Variants in PITPNC1 observed in about 807,000 individuals in gnomAD.
PITPNC1 encodes the protein cytoplasmic phosphatidylinositol transfer protein 1.
PITPNC1 carries 18 observed loss-of-function variants against 44.7 expected under a neutral mutation model. That is an observed-to-expected ratio of 0.40 (90% CI 0.28 to 0.60). The LOEUF is 0.60. Among genes scored for constraint, PITPNC1 ranks in the 20% least tolerant of loss-of-function variants. The pLI is 0.39. For synonymous variants in PITPNC1, 141 were observed against 149.6 expected (o/e 0.94, Z 0.42); for missense variants, 290 against 418.4 (o/e 0.69, Z 2.68).
chr17:67,539,621 G>A (rs2040577213), intron 2 of PITPNC1, among the ~76,000 whole-genome samples: 2 of 152,162 alleles, frequency 1.3e-5, no homozygotes, highest in Non-Finnish European at 2.9e-5. Context: ...GGTGGATCAC[G>A]AGGTCAGGAG....
intron 1 of PITPNC1, among the ~76,000 whole-genome samples, chr17:67,476,020 C>G (rs1022855616): frequency 6.6e-6 from 1 of 152,108 alleles, no homozygotes; most frequent in African/African-American, 2.4e-5. Context: ...ACTCCTCACT[C>G]TAATCAAAGA....
At position 67,619,874 on chromosome 17, in the gene PITPNC1, G is replaced by A. The variant is rs947398386; in HGVS notation, c.367-12269G>A. Among the ~76,000 whole-genome samples the A allele has an allele frequency of 5.9e-5, 9 of 151,846 alleles. 1 individual carries two copies. Among genetic ancestry groups the A allele is most frequent in the African/African-American group, 1.9e-4 (8 of 41,408 alleles). ...TTAGCCTCAGAGGAGTCCTCACATC[G>A]CCAGCTCACACCCCTGAGAGCTTGA... On this transcript the variant is annotated intron_variant, in intron 5 of 8. Transcript: ENST00000581322.
intron 1 of PITPNC1, among the ~76,000 whole-genome samples, chr17:67,425,213 A>G (rs1455752920): frequency 0.2 from 8,707 of 42,754 alleles, 879 homozygotes; most frequent in African/African-American, 0.25. Context: ...GCACACACAC[A>G]CACACACACA....
intron 4 of PITPNC1, among the ~76,000 whole-genome samples, chr17:67,571,658 G>A (rs75473188): frequency 0.014 from 2,111 of 152,310 alleles, 53 homozygotes; most frequent in African/African-American, 0.048. Context: ...GACGAAGGTC[G>A]CGTTTTCTAG....
chr17:67,425,246 C>T (rs1313572577), intron 1 of PITPNC1, among the ~76,000 whole-genome samples: 6 of 116,830 alleles, frequency 5.1e-5, no homozygotes, highest in Non-Finnish European at 1.1e-4. Context: ...CACACACACA[C>T]ACACACACAC....
intron 5 of PITPNC1, among the ~76,000 whole-genome samples, chr17:67,598,765 C>A (rs1245690015): frequency 6.6e-6 from 1 of 151,466 alleles, no homozygotes; most frequent in Admixed American, 6.6e-5. Flanking sequence ...TGGTGGTGGG[C>A]ACCTGTAATC....
chr17:67,610,750 A>T (rs989911023), intron 5 of PITPNC1, among the ~76,000 whole-genome samples: 1 of 152,034 alleles, frequency 6.6e-6, no homozygotes, highest in Non-Finnish European at 1.5e-5. Flanking sequence ...GTGAAACCCT[A>T]TCTCTACCAA....
chr17:67,405,762 C>T (rs1598622587), intron 1 of PITPNC1, among the ~76,000 whole-genome samples: 2 of 151,670 alleles, frequency 1.3e-5, no homozygotes, highest in Non-Finnish European at 2.9e-5. Context: ...TGCACCACCA[C>T]GCTCAGCTAA....
At chr17:67,474,810 A>G (rs2039601845) in intron 1 of PITPNC1, among the ~76,000 whole-genome samples, 1 of 149,272 alleles carries the variant, frequency 6.7e-6, no homozygotes, top group African/African-American at 2.5e-5. Flanking sequence ...GCACACCACC[A>G]TGCCCGGCGG....
chr17:67,574,214 A>G (rs1409820465), intron 4 of PITPNC1, among the ~76,000 whole-genome samples: 2 of 152,232 alleles, frequency 1.3e-5, no homozygotes, highest in Non-Finnish European at 2.9e-5. Flanking sequence ...TGAGAACAGT[A>G]AAATAACTTG....
chr17:67,493,537 G>C (rs1223355562), intron 1 of PITPNC1, among the ~76,000 whole-genome samples: 1 of 152,234 alleles, frequency 6.6e-6, no homozygotes, highest in Non-Finnish European at 1.5e-5. Flanking sequence ...TGATAAGTGA[G>C]TGGAAATAGT....
intron 1 of PITPNC1, among the ~76,000 whole-genome samples, chr17:67,498,507 G>C (rs2039985231): frequency 1.3e-5 from 2 of 152,148 alleles, no homozygotes; most frequent in South Asian, 4.1e-4. Flanking sequence ...AATGAACTTG[G>C]GTGTGCAAAT....
chr17:67,490,002 G>C (rs1466361141), intron 1 of PITPNC1, among the ~76,000 whole-genome samples: 1 of 152,098 alleles, frequency 6.6e-6, no homozygotes, highest in Non-Finnish European at 1.5e-5. Flanking sequence ...CTCCCAAAAT[G>C]CTGGGATTGC....
At chr17:67,588,597 G>GA (rs142532297) in intron 5 of PITPNC1, among the ~76,000 whole-genome samples, 4 of 151,602 alleles carry the variant, frequency 2.6e-5, no homozygotes, top group African/African-American at 9.7e-5. Flanking sequence ...CACATCAAAA[G>GA]AAAAAAAATA....
intron 1 of PITPNC1, among the ~76,000 whole-genome samples, chr17:67,419,065 C>T (rs927124587): frequency 6.6e-6 from 1 of 151,956 alleles, no homozygotes; most frequent in Admixed American, 6.6e-5. Flanking sequence ...AGGTAAGGGG[C>T]AGAGGACAGC....
chr17:67,408,042 G>A (rs1030963858), intron 1 of PITPNC1, among the ~76,000 whole-genome samples: 3 of 151,678 alleles, frequency 2.0e-5, no homozygotes, highest in Admixed American at 6.6e-5. Flanking sequence ...CGCAACCTCC[G>A]CCTCCCCAGT....
At chr17:67,578,921 A>G (rs376244811) in intron 5 of PITPNC1, among the ~76,000 whole-genome samples, 1 of 152,150 alleles carries the variant, frequency 6.6e-6, no homozygotes, top group African/African-American at 2.4e-5. Context: ...GGCAGAGGTT[A>G]CAGTGAGCCG....
At chr17:67,649,083 G>C (rs2042181796) in intron 6 of PITPNC1, among the ~76,000 whole-genome samples, 1 of 152,158 alleles carries the variant, frequency 6.6e-6, no homozygotes, top group Non-Finnish European at 1.5e-5. Flanking sequence ...GAGCCTAAGA[G>C]TTCAAGGCTG....
intron 2 of PITPNC1, among the ~76,000 whole-genome samples, chr17:67,541,490 CAAT>C (rs2040607464): frequency 6.7e-6 from 1 of 149,598 alleles, no homozygotes. Context: ...CACACACACA[CAAT>C]AATTTAGTGT....
Sources: gnomAD v4.1 joint callset for allele counts (sites outside exome capture counted in the v4.1 genomes callset) on GRCh38, gnomAD v4.1.1 for gene constraint, MANE v1.5 for transcripts, NCBI Gene and HGNC (gene_info 2026-07-23, HGNC 2026-07-21) for gene names.